The following ATP10B variants were observed in gnomAD, a reference collection of about 807,000 sequenced individuals.
ATP10B encodes the protein ATPase phospholipid transporting 10B (putative).
ATP10B carries 122 observed loss-of-function variants against 141.2 expected under a neutral mutation model. The observed-to-expected ratio is 0.86, with a 90% confidence interval of 0.75 to 1.00. ATP10B has a LOEUF of 1.00. Ranked by LOEUF, ATP10B falls within the 50% of genes least tolerant of loss-of-function variation. The probability of loss-of-function intolerance (pLI) is 0.00; values close to 1 mark genes in which losing one functional copy is unlikely to be tolerated. For missense variants in ATP10B, 1,876 were observed against 1,825.3 expected, an observed-to-expected ratio of 1.03 and a Z score of -0.51; for synonymous variants, 685 against 692.0, an observed-to-expected ratio of 0.99 and a Z score of 0.16.
intron 2 of ATP10B, among the ~76,000 whole-genome samples, chr5:160,768,494 C>T (rs530300989): frequency 6.2e-4 from 95 of 152,238 alleles, no homozygotes; most frequent in African/African-American, 2.2e-3. Context: ...TCCTCACTTT[C>T]CAGGTCCATA....
At chr5:160,622,700 A>T in intron 13 of ATP10B, 115 bp from the exon 14 acceptor site, 1 of 993,810 alleles carries the variant, frequency 1.0e-6, no homozygotes, top group Non-Finnish European at 1.5e-6. Context: ...TGCATCCAGC[A>T]TGTTTTCCTC....
At chr5:160,593,745 C>T (rs543999845) in intron 22 of ATP10B, among the ~76,000 whole-genome samples, 3 of 152,214 alleles carry the variant, frequency 2.0e-5, no homozygotes, top group Admixed American at 6.5e-5. Context: ...AGCCAAGGCT[C>T]GAGAACTACG....
At chr5:160,604,902 C>A (rs1214687158) in intron 19 of ATP10B, among the ~76,000 whole-genome samples, 1 of 152,164 alleles carries the variant, frequency 6.6e-6, no homozygotes, top group Non-Finnish European at 1.5e-5. Context: ...TACAGTGAGG[C>A]CTTCCCCAGA....
rs150845185 is a variant in ATP10B at position 160,830,802 on chromosome 5, C to G, written c.-576+21139G>C. Among the ~76,000 whole-genome samples the G allele has an allele frequency of 6.0e-3, 918 of 152,120 alleles. 13 individuals are homozygous for G. Among genetic ancestry groups the G allele is most frequent in the African/African-American group, 0.021 (872 of 41,530 alleles). ...TAATGGAATCTAGAAGGATCACTGA[C>G]AAGTGAAAATTTTACCTGAGCTTGT... On this transcript the variant is annotated intron_variant, in intron 1 of 25. Coordinates refer to ENST00000327245, the MANE Select transcript of ATP10B (RefSeq NM_025153.3).
chr5:160,762,524 A>C (rs914000943), intron 2 of ATP10B, among the ~76,000 whole-genome samples: 37 of 152,202 alleles, frequency 2.4e-4, no homozygotes, highest in African/African-American at 8.9e-4. Flanking sequence ...AGAATTTGCC[A>C]CTACCAAGCC....
chr5:160,798,022 A>C (rs1022751898), intron 1 of ATP10B, among the ~76,000 whole-genome samples: 2 of 152,110 alleles, frequency 1.3e-5, no homozygotes, highest in African/African-American at 4.8e-5. Context: ...AGCTTAGATA[A>C]GGTGGGCAAG....
intron 9 of ATP10B, 117 bp downstream of exon 9, chr5:160,644,021 T>G (rs1251053003): frequency 1.3e-6 from 1 of 799,454 alleles, no homozygotes; most frequent in Non-Finnish European, 2.1e-6. Context: ...AATGGGAAGT[T>G]ACATGAGTAA....
intron 14 of ATP10B, 34 bp from the exon 15 acceptor site, chr5:160,620,984 C>G (rs1384623888): frequency 6.4e-7 from 1 of 1,573,118 alleles, no homozygotes; most frequent in African/African-American, 1.4e-5. Flanking sequence ...GAATATTACT[C>G]TCAATGTTGG....
At chr5:160,657,815 A>G (rs540137540) in intron 7 of ATP10B, among the ~76,000 whole-genome samples, 1 of 152,354 alleles carries the variant, frequency 6.6e-6, no homozygotes, top group African/African-American at 2.4e-5. Flanking sequence ...CTGGGTCCCC[A>G]GAGCATGCTA....
chr5:160,619,816 A>G (rs1758222701), intron 15 of ATP10B, among the ~76,000 whole-genome samples: 1 of 152,194 alleles, frequency 6.6e-6, no homozygotes, highest in Admixed American at 6.5e-5. Context: ...ATAAAGAGGA[A>G]CACCTGAGGC....
chr5:160,650,847 ACT>A (rs796756541), intron 7 of ATP10B, among the ~76,000 whole-genome samples: 7 of 151,868 alleles, frequency 4.6e-5, no homozygotes, highest in African/African-American at 1.7e-4. Context: ...AGAAATAAAA[ACT>A]CTCTTCCTCC....
At chr5:160,896,776 C>T in the ATP10B span, among the ~76,000 whole-genome samples, 5 of 152,234 alleles carry the variant, frequency 3.3e-5, no homozygotes, top group East Asian at 5.8e-4. Flanking sequence ...TGATGAACAT[C>T]GATGTGAAAA....
chr5:160,842,461 G>A lies in ATP10B; in HGVS notation c.-576+9480C>T, dbSNP rs72820526. Reference sequence around the variant, plus strand: ...CGAATGGAACCCAACAAATGTAAACGGAAGAAGGTCAATATAAAAAATATA... The same window carrying A: ...CGAATGGAACCCAACAAATGTAAACAGAAGAAGGTCAATATAAAAAATATA... On this transcript the variant is annotated intron_variant, in intron 1 of 25. Transcript: ENST00000327245. Among the ~76,000 whole-genome samples, 1,325 of 151,818 alleles carry A rather than the reference G, an allele frequency of 8.7e-3. 8 individuals carry two copies. The highest frequency in any genetic ancestry group is 0.014 in the Non-Finnish European group (951 of 67,912).
At chr5:160,621,448 C>A (rs1758344270) in intron 14 of ATP10B, among the ~76,000 whole-genome samples, 1 of 152,154 alleles carries the variant, frequency 6.6e-6, no homozygotes, top group Admixed American at 6.5e-5. Context: ...AGCTGAAGCT[C>A]CCACATTAAC....
At chr5:160,800,289 T>C (rs1285666691) in intron 1 of ATP10B, among the ~76,000 whole-genome samples, 2 of 152,202 alleles carry the variant, frequency 1.3e-5, no homozygotes, top group East Asian at 3.8e-4. Context: ...AGTTTCCTCA[T>C]CTATAAAATG....
At chr5:160,919,223 C>CAAAAAAAAA in the ATP10B span, among the ~76,000 whole-genome samples, 474 of 26,908 alleles carry the variant, frequency 0.018, 54 homozygotes, top group East Asian at 0.03. Flanking sequence ...AACTCCGTCT[C>CAAAAAAAAA]AAAAAAAAAA....
At chr5:160,925,724 A>G in the ATP10B span, among the ~76,000 whole-genome samples, 92 of 152,300 alleles carry the variant, frequency 6.0e-4, no homozygotes, top group African/African-American at 2.1e-3. Context: ...GAGTTAGTTG[A>G]TTTCATGTTC....
chr5:160,702,018 G>A (rs1016016390), intron 3 of ATP10B, among the ~76,000 whole-genome samples: 18 of 151,230 alleles, frequency 1.2e-4, no homozygotes, highest in Admixed American at 3.9e-4. Flanking sequence ...TACTTTATGA[G>A]GTCAGTTGCC....
chr5:160,850,354 G>A (rs1753720001), intron 1 of ATP10B, among the ~76,000 whole-genome samples: 1 of 152,114 alleles, frequency 6.6e-6, no homozygotes, highest in Non-Finnish European at 1.5e-5. Context: ...AATCCAGGAG[G>A]CAGAGGTTGC....
Sources: allele counts gnomAD v4.1 joint callset (sites outside exome capture counted in the v4.1 genomes callset), GRCh38; gene constraint gnomAD v4.1.1; transcripts MANE v1.5; gene names NCBI Gene and HGNC (gene_info 2026-07-23, HGNC 2026-07-21).